The following MAF variants were observed in gnomAD, a reference collection of about 807,000 sequenced individuals.
MAF encodes transcription factor Maf.
In MAF, 10 loss-of-function variants were observed where a neutral mutation model predicts 22.0. The ratio of observed to expected loss-of-function variants is 0.45; its 90% CI spans 0.28 to 0.77. The LOEUF is 0.77. Ranked by LOEUF, MAF falls within the 30% of genes least tolerant of loss-of-function variation. The probability of loss-of-function intolerance (pLI) is 0.12; values close to 1 mark genes in which losing one functional copy is unlikely to be tolerated. For synonymous variants in MAF, 337 were observed against 255.8 expected (o/e 1.32, Z -3.03); for missense variants, 544 against 548.4 (o/e 0.99, Z 0.08).
chr16:79,401,546 C>T, the MAF span, among the ~76,000 whole-genome samples: 1 of 152,070 alleles, frequency 6.6e-6, no homozygotes, highest in South Asian at 2.1e-4. Context: ...GTTGCTCTTT[C>T]TACAAAATAA....
At chr16:79,379,256 G>C in the MAF span, among the ~76,000 whole-genome samples, 3 of 152,202 alleles carry the variant, frequency 2.0e-5, no homozygotes, top group African/African-American at 7.2e-5. Context: ...GTGTTGAAAA[G>C]AACTCTGAGT....
the MAF span, among the ~76,000 whole-genome samples, chr16:79,549,377 G>A: frequency 6.6e-6 from 1 of 152,166 alleles, no homozygotes; most frequent in East Asian, 1.9e-4. Flanking sequence ...TCCAGGCTGG[G>A]ATAGAACACC....
chr16:79,531,988 T>G, the MAF span, among the ~76,000 whole-genome samples: 10 of 152,180 alleles, frequency 6.6e-5, no homozygotes, highest in African/African-American at 2.4e-4. Flanking sequence ...TGCCCCAGCA[T>G]AGGGTTGCCA....
At chr16:79,263,975 C>G in the MAF span, among the ~76,000 whole-genome samples, 3 of 152,264 alleles carry the variant, frequency 2.0e-5, 1 homozygote, top group Admixed American at 6.5e-5. Flanking sequence ...AAGGAAAAGT[C>G]TAGATGTAAG....
chr16:79,380,375 A>T, the MAF span, among the ~76,000 whole-genome samples: 3 of 152,252 alleles, frequency 2.0e-5, no homozygotes, highest in Non-Finnish European at 4.4e-5. Context: ...TAACAATAGT[A>T]GTAGCATGTG....
At chr16:79,339,100 C>G in the MAF span, among the ~76,000 whole-genome samples, 1 of 151,810 alleles carries the variant, frequency 6.6e-6, no homozygotes, top group Non-Finnish European at 1.5e-5. Flanking sequence ...GAGACGGAGT[C>G]TCACTGTCGC....
chr16:79,559,122 C>T, the MAF span, among the ~76,000 whole-genome samples: 4 of 152,094 alleles, frequency 2.6e-5, no homozygotes, highest in Non-Finnish European at 5.9e-5. Context: ...CAGTGTTGAG[C>T]CTGAGGACAC....
the MAF span, among the ~76,000 whole-genome samples, chr16:79,215,805 C>T: frequency 6.6e-6 from 1 of 152,184 alleles, no homozygotes; most frequent in Non-Finnish European, 1.5e-5. Flanking sequence ...GAATTTACAT[C>T]TTGGGTCTGT....
chr16:79,218,317 C>T, the MAF span, among the ~76,000 whole-genome samples: 18 of 150,474 alleles, frequency 1.2e-4, no homozygotes, highest in East Asian at 9.9e-4. Flanking sequence ...GGTGATGGGC[C>T]ATTATTTGGA....
At chr16:79,399,771 G>T in the MAF span, among the ~76,000 whole-genome samples, 1 of 152,160 alleles carries the variant, frequency 6.6e-6, no homozygotes, top group Non-Finnish European at 1.5e-5. Context: ...GTAGAAGGGG[G>T]TTACCAAAGC....
At chr16:79,332,959 C>T in the MAF span, among the ~76,000 whole-genome samples, 9 of 152,226 alleles carry the variant, frequency 5.9e-5, no homozygotes, top group East Asian at 5.8e-4. Flanking sequence ...TCTTTTTGCA[C>T]GTCACTGCCC....
the MAF span, among the ~76,000 whole-genome samples, chr16:79,305,305 C>T: frequency 1.3e-5 from 2 of 152,202 alleles, no homozygotes; most frequent in African/African-American, 2.4e-5. Context: ...TATCCACTAC[C>T]GACCCGCCTG....
At chr16:79,439,694 G>A in the MAF span, among the ~76,000 whole-genome samples, 110 of 152,292 alleles carry the variant, frequency 7.2e-4, no homozygotes, top group African/African-American at 2.6e-3. Flanking sequence ...CACTCACTCA[G>A]AAAGAGGTCC....
At chr16:79,485,231 T>G in the MAF span, among the ~76,000 whole-genome samples, 3 of 152,194 alleles carry the variant, frequency 2.0e-5, no homozygotes, top group Non-Finnish European at 4.4e-5. Flanking sequence ...TTGACCTCTC[T>G]GTGCCTCAGT....
At chr16:79,239,793 T>C in the MAF span, among the ~76,000 whole-genome samples, 1 of 152,024 alleles carries the variant, frequency 6.6e-6, no homozygotes, top group African/African-American at 2.4e-5. Flanking sequence ...TCTCAAAATA[T>C]CTATTGACTG....
At chr16:79,261,955 G>A in the MAF span, among the ~76,000 whole-genome samples, 519 of 152,284 alleles carry the variant, frequency 3.4e-3, 1 homozygote, top group Non-Finnish European at 5.2e-3. Context: ...TTGCTCATAT[G>A]GACTTTTCAC....
At chr16:79,569,894 G>T in the MAF span, among the ~76,000 whole-genome samples, 12 of 152,086 alleles carry the variant, frequency 7.9e-5, no homozygotes, top group Admixed American at 6.5e-5. Flanking sequence ...AACAATTGAC[G>T]TTGGCTTCAT....
the MAF span, among the ~76,000 whole-genome samples, chr16:79,408,061 T>C: frequency 2.5e-5 from 3 of 121,570 alleles, no homozygotes; most frequent in African/African-American, 9.3e-5. Context: ...ACTACATGTA[T>C]TTGGCTTTTT....
the MAF span, among the ~76,000 whole-genome samples, chr16:79,356,994 T>C: frequency 6.6e-6 from 1 of 152,240 alleles, no homozygotes; most frequent in African/African-American, 2.4e-5. Flanking sequence ...TGGTGGCTCA[T>C]GCCTGTAATC....
Sources: allele counts gnomAD v4.1 joint callset (sites outside exome capture counted in the v4.1 genomes callset), GRCh38; gene constraint gnomAD v4.1.1; transcripts MANE v1.5; gene names NCBI Gene and HGNC (gene_info 2026-07-23, HGNC 2026-07-21).